IMMP1L: variants seen among roughly 807,000 people sequenced by gnomAD.
IMMP1L encodes the protein inner mitochondrial membrane peptidase subunit 1, also known as mitochondrial inner membrane protease subunit 1.
In IMMP1L, 24 loss-of-function variants were observed where a neutral mutation model predicts 21.8. That is an observed-to-expected ratio of 1.10 (90% confidence interval 0.80 to 1.55). IMMP1L has a LOEUF of 1.55. IMMP1L is among the 40% of genes most tolerant of loss of function. The pLI, the probability that IMMP1L is intolerant of heterozygous loss-of-function variation, is 0.00. For synonymous variants in IMMP1L, 46 were observed against 62.8 expected (o/e 0.73, Z 1.26); for missense variants, 195 against 200.7 (o/e 0.97, Z 0.17).
At chr11:31,476,355 T>C (rs777109866) in intron 1 of IMMP1L, among the ~76,000 whole-genome samples, 2 of 152,034 alleles carry the variant, frequency 1.3e-5, no homozygotes, top group Non-Finnish European at 2.9e-5. Flanking sequence ...ATACAGTAGC[T>C]TGGAACCAGT....
intron 4 of IMMP1L, among the ~76,000 whole-genome samples, chr11:31,454,781 T>C (rs1473099635): frequency 1.3e-5 from 2 of 152,218 alleles, no homozygotes; most frequent in Non-Finnish European, 2.9e-5. Context: ...CTAATAACTC[T>C]TAAAAAGAAA....
chr11:31,439,914 C>A (rs181933216), intron 4 of IMMP1L, among the ~76,000 whole-genome samples: 33 of 152,286 alleles, frequency 2.2e-4, no homozygotes, highest in Admixed American at 3.9e-4. Context: ...AGTTCTGGGA[C>A]CTTTTTGGCT....
At chr11:31,450,532 T>C (rs1393003415) in intron 4 of IMMP1L, among the ~76,000 whole-genome samples, 5 of 152,134 alleles carry the variant, frequency 3.3e-5, no homozygotes, top group Admixed American at 2.6e-4. Flanking sequence ...AAAAGAAACA[T>C]TTAATCAGCA....
intron 2 of IMMP1L, among the ~76,000 whole-genome samples, chr11:31,461,123 C>T (rs1224995992): frequency 6.6e-6 from 1 of 152,132 alleles, no homozygotes; most frequent in African/African-American, 2.4e-5. Context: ...AATACATTTT[C>T]TTATTACTAT....
chr11:31,505,514 ACTT>A (rs1955749555), intron 1 of IMMP1L, among the ~76,000 whole-genome samples: 1 of 152,238 alleles, frequency 6.6e-6, no homozygotes, highest in Non-Finnish European at 1.5e-5. Context: ...GACTGCTGTG[ACTT>A]CTTCTGACAT....
intron 1 of IMMP1L, among the ~76,000 whole-genome samples, chr11:31,474,910 A>G (rs1455163497): frequency 6.6e-6 from 1 of 152,130 alleles, no homozygotes; most frequent in Non-Finnish European, 1.5e-5. Context: ...GAGCTAATGA[A>G]AGAGAATCTC....
chr11:31,499,973 A>C (rs1413829775), intron 1 of IMMP1L, among the ~76,000 whole-genome samples: 1 of 151,500 alleles, frequency 6.6e-6, no homozygotes, highest in Non-Finnish European at 1.5e-5. Flanking sequence ...TAAATAAATA[A>C]ATAAATAAAG....
intron 4 of IMMP1L, among the ~76,000 whole-genome samples, chr11:31,443,504 C>A (rs1019151328): frequency 6.6e-6 from 1 of 152,150 alleles, no homozygotes; most frequent in Admixed American, 6.5e-5. Context: ...TACTTATTTT[C>A]ATTGTCATTC....
chr11:31,470,413 C>T (rs1212488190), intron 1 of IMMP1L, among the ~76,000 whole-genome samples: 2 of 142,598 alleles, frequency 1.4e-5, no homozygotes, highest in Admixed American at 1.4e-4. Context: ...AACTCCATCT[C>T]AAAAAACAAA....
chr11:31,473,765 T>A (rs982884739), intron 1 of IMMP1L: 30 of 985,158 alleles, frequency 3.0e-5, no homozygotes, highest in Non-Finnish European at 3.4e-5. Flanking sequence ...GTTGTCCACC[T>A]GATTGTTCAG....
At chr11:31,471,999 T>A (rs1007139634) in intron 1 of IMMP1L, among the ~76,000 whole-genome samples, 14 of 152,284 alleles carry the variant, frequency 9.2e-5, no homozygotes, top group Non-Finnish European at 1.8e-4. Flanking sequence ...CTTTGTTCCA[T>A]CTCAAAGCCT....
intron 4 of IMMP1L, among the ~76,000 whole-genome samples, chr11:31,446,219 A>G (rs1185117242): frequency 6.6e-6 from 1 of 151,986 alleles, no homozygotes; most frequent in African/African-American, 2.4e-5. Context: ...TCTTCTCTAG[A>G]TTATTTCCTT....
At chr11:31,487,900 A>C (rs1955135584) in intron 1 of IMMP1L, among the ~76,000 whole-genome samples, 1 of 152,168 alleles carries the variant, frequency 6.6e-6, no homozygotes, top group Non-Finnish European at 1.5e-5. Flanking sequence ...GATGGCAATG[A>C]TATAGCACCT....
At chr11:31,456,170 A>G (rs1953929366) in intron 4 of IMMP1L, 90 bp downstream of exon 4, 2 of 894,520 alleles carry the variant, frequency 2.2e-6, no homozygotes, top group Admixed American at 6.0e-5. Flanking sequence ...TACATTCAAA[A>G]TATGAATAAA....
Position 31,432,553 on chromosome 11 carries a change from C to G in IMMP1L, c.448G>C (p.Asp150His). The change falls in exon 6 of 6, where the codon GAT becomes CAT. Residue 150 changes from aspartate (D) to histidine (H), a missense_variant. Physicochemically the swap from Asp to His is moderately conservative, Grantham distance 81. Transcript: ENST00000532287. ...GGGCTGGCACGTAAAAATCCAAAAT[C>G]ACTCAGAGGCCAAATCTGTAAAATC... ...RIFFKIWPLSDFGFLRASPNG... is the reference protein window; with the variant it reads ...RIFFKIWPLSHFGFLRASPNG... 2 of 1,611,816 alleles carry G rather than the reference C, an allele frequency of 1.2e-6. No individual in the cohort carries two copies. The highest frequency in any genetic ancestry group is 1.7e-6 in the Non-Finnish European group (2 of 1,178,074).
intron 1 of IMMP1L, chr11:31,473,595 A>C (rs550820971): frequency 5.2e-6 from 1 of 193,176 alleles, no homozygotes; most frequent in South Asian, 1.8e-4. Context: ...AAACCAGCTA[A>C]AAAGATTGAG....
At chr11:31,464,379 AC>A (rs1365112219) in intron 1 of IMMP1L, among the ~76,000 whole-genome samples, 1 of 152,138 alleles carries the variant, frequency 6.6e-6, no homozygotes, top group Non-Finnish European at 1.5e-5. Context: ...AAAAGAACCA[AC>A]ACCAATTCTT....
chr11:31,502,616 A>C (rs1955656716), intron 1 of IMMP1L, among the ~76,000 whole-genome samples: 1 of 152,230 alleles, frequency 6.6e-6, no homozygotes, highest in African/African-American at 2.4e-5. Context: ...ATTCAAACCG[A>C]AGGGAAATTG....
intron 4 of IMMP1L, among the ~76,000 whole-genome samples, chr11:31,448,685 A>C (rs1447393652): frequency 6.6e-6 from 1 of 152,350 alleles, no homozygotes; most frequent in African/African-American, 2.4e-5. Context: ...TGATCTTCAT[A>C]TATACATCTT....
Sources: allele counts gnomAD v4.1 joint callset (sites outside exome capture counted in the v4.1 genomes callset), GRCh38; gene constraint gnomAD v4.1.1; transcripts MANE v1.5; gene names NCBI Gene and HGNC (gene_info 2026-07-23, HGNC 2026-07-21).